Variants in CSMD1 observed in about 807,000 individuals in gnomAD.
CSMD1 encodes CUB and sushi domain-containing protein 1.
Under a neutral mutation model 417.5 loss-of-function variants are expected in CSMD1, and 213 were observed. The ratio of observed to expected loss-of-function variants is 0.51; its 90% CI spans 0.46 to 0.57. CSMD1 has a LOEUF of 0.57. CSMD1 is among the 20% of genes least tolerant of loss of function. The pLI is 0.00. For synonymous variants in CSMD1, 2,862 were observed against 1,736.8 expected, an observed-to-expected ratio of 1.65 and a Z score of -16.11; for missense variants, 6,923 against 4,529.7, an observed-to-expected ratio of 1.53 and a Z score of -15.17.
At chr8:4,191,628 G>T (rs186085108) in intron 3 of CSMD1, among the ~76,000 whole-genome samples, 1 of 150,106 alleles carries the variant, frequency 6.7e-6, no homozygotes, top group African/African-American at 2.5e-5. Flanking sequence ...AAAACTACAA[G>T]ATACATTGAA....
At chr8:3,708,374 A>T in intron 7 of CSMD1, 40 bp downstream of exon 7, 1 of 1,548,696 alleles carries the variant, frequency 6.5e-7, no homozygotes, top group Non-Finnish European at 8.9e-7. Flanking sequence ...TCTGCTTACA[A>T]GGGCGTATCA....
intron 10 of CSMD1, among the ~76,000 whole-genome samples, chr8:3,508,404 G>A (rs963365480): frequency 2.0e-5 from 3 of 151,922 alleles, no homozygotes; most frequent in Non-Finnish European, 2.9e-5. Context: ...TATACCTAAT[G>A]TAAGTGACGA....
chr8:4,261,556 T>A (rs530859458), intron 3 of CSMD1, among the ~76,000 whole-genome samples: 1 of 152,048 alleles, frequency 6.6e-6, no homozygotes, highest in East Asian at 1.9e-4. Flanking sequence ...GAGTAGATCT[T>A]TTTATTTATT....
chr8:3,793,091 T>C (rs188883091), intron 5 of CSMD1, among the ~76,000 whole-genome samples: 23 of 152,290 alleles, frequency 1.5e-4, no homozygotes, highest in Admixed American at 1.5e-3. Context: ...CAATTAACAC[T>C]TCCAAAAGTG....
At chr8:4,634,130 A>G (rs1267044045) in intron 2 of CSMD1, among the ~76,000 whole-genome samples, 3 of 152,080 alleles carry the variant, frequency 2.0e-5, no homozygotes, top group Non-Finnish European at 4.4e-5. Context: ...CTCAATATCC[A>G]CATCATTAAA....
At chr8:4,603,627 A>G (rs1800709953) in intron 2 of CSMD1, among the ~76,000 whole-genome samples, 2 of 152,178 alleles carry the variant, frequency 1.3e-5, no homozygotes, top group African/African-American at 4.8e-5. Flanking sequence ...TAAAATGAAT[A>G]TAATCACCTC....
chr8:4,837,865 C>G (rs1280906907), intron 1 of CSMD1, among the ~76,000 whole-genome samples: 1 of 151,804 alleles, frequency 6.6e-6, no homozygotes, highest in African/African-American at 2.4e-5. Flanking sequence ...TTCATGTACC[C>G]CATAAATATA....
intron 3 of CSMD1, among the ~76,000 whole-genome samples, chr8:4,284,455 C>T (rs1283257476): frequency 1.3e-5 from 2 of 150,434 alleles, no homozygotes. Flanking sequence ...CGTGTTCCCT[C>T]CCCGTCACCA....
intron 5 of CSMD1, among the ~76,000 whole-genome samples, chr8:3,797,349 C>T (rs1274017440): frequency 1.3e-5 from 2 of 151,944 alleles, no homozygotes; most frequent in Non-Finnish European, 2.9e-5. Flanking sequence ...TGTTCACTGT[C>T]ACAAGTAGAG....
chr8:3,105,632 A>G (rs545589815), intron 46 of CSMD1, among the ~76,000 whole-genome samples: 1 of 152,356 alleles, frequency 6.6e-6, no homozygotes, highest in East Asian at 1.9e-4. Context: ...ACTCTTGCAC[A>G]TGGTCTACAT....
intron 1 of CSMD1, among the ~76,000 whole-genome samples, chr8:4,971,641 G>C (rs1029105810): frequency 6.6e-6 from 1 of 151,288 alleles, no homozygotes; most frequent in African/African-American, 2.4e-5. Flanking sequence ...AAAATGTATA[G>C]TCTTATTCTT....
intron 4 of CSMD1, among the ~76,000 whole-genome samples, chr8:4,018,489 G>T (rs986988260): frequency 6.6e-6 from 1 of 152,088 alleles, no homozygotes; most frequent in Non-Finnish European, 1.5e-5. Context: ...GGAGCAGGTG[G>T]AGGAAGGGGA....
In CSMD1 at chr8:4,934,009, A is replaced by T. The variant is rs538620976; in HGVS notation, c.85+60323T>A. Among the ~76,000 whole-genome samples, 172 of 150,582 alleles carry T rather than the reference A, an allele frequency of 1.1e-3. 3 individuals are homozygous for T. Among genetic ancestry groups the T allele is most frequent in the South Asian group, 0.011 (52 of 4,768 alleles). On this transcript the variant is annotated intron_variant, in intron 1 of 69. Coordinates refer to ENST00000635120, the MANE Select transcript of CSMD1 (RefSeq NM_033225.6). ...TACTTACGTTTATGCTTTTTTTTTA[A>T]AAAAAAATGAAGGTTTTGATGATGA...
chr8:4,182,510 T>A (rs1444324537), intron 3 of CSMD1, among the ~76,000 whole-genome samples: 1 of 152,150 alleles, frequency 6.6e-6, no homozygotes, highest in East Asian at 1.9e-4. Context: ...AGCGAAATGT[T>A]GGACGGGCTA....
At chr8:4,178,991 G>A (rs1009412201) in intron 3 of CSMD1, among the ~76,000 whole-genome samples, 6 of 152,116 alleles carry the variant, frequency 3.9e-5, no homozygotes, top group Non-Finnish European at 5.9e-5. Flanking sequence ...TCGTGAAAAT[G>A]GCCATACTGC....
At position 4,025,377 on chromosome 8, in the gene CSMD1, T is replaced by C. The variant is rs59528403; in HGVS notation, c.610+6528A>G. Among the ~76,000 whole-genome samples the C allele has an allele frequency of 9.2e-5, 14 of 152,216 alleles. 1 individual carries two copies. The highest frequency in any genetic ancestry group is 3.4e-4 in the African/African-American group (14 of 41,452). Reference sequence around the variant, plus strand: ...GATCCTCTATTTCCCTGTAGGACCCTAGATCTCAAAGTAATTTATAATCTA... The same window carrying C: ...GATCCTCTATTTCCCTGTAGGACCCCAGATCTCAAAGTAATTTATAATCTA... On this transcript the variant is annotated intron_variant, in intron 4 of 69. Transcript: ENST00000635120.
chr8:3,383,290 A>G (rs1156362307), intron 18 of CSMD1, among the ~76,000 whole-genome samples: 7 of 152,246 alleles, frequency 4.6e-5, no homozygotes, highest in African/African-American at 1.4e-4. Flanking sequence ...ACACCTCAAT[A>G]AAGCTGTTAA....
rs574363588 is a variant in CSMD1 at position 3,900,558 on chromosome 8, G to C, written c.818+97345C>G. On this transcript the variant is annotated intron_variant, in intron 5 of 69. Transcript: ENST00000635120. Reference sequence around the variant, plus strand: ...GACAGTGAAGCTAGGTGACAGTGCAGATGGGTGATACTGTAGCTGGATGAC... The same window carrying C: ...GACAGTGAAGCTAGGTGACAGTGCACATGGGTGATACTGTAGCTGGATGAC... Among the ~76,000 whole-genome samples the C allele has an allele frequency of 2.1e-3, 315 of 152,140 alleles. 1 individual carries two copies. Among genetic ancestry groups the C allele is most frequent in the African/African-American group, 7.3e-3 (301 of 41,492 alleles).
At chr8:3,693,854 T>C (rs1489340981) in intron 7 of CSMD1, among the ~76,000 whole-genome samples, 1 of 151,058 alleles carries the variant, frequency 6.6e-6, no homozygotes, top group East Asian at 2.0e-4. Context: ...TAGGGTATAT[T>C]ATGTGCTGTA....
Sources: allele counts gnomAD v4.1 joint callset (sites outside exome capture counted in the v4.1 genomes callset), GRCh38; gene constraint gnomAD v4.1.1; transcripts MANE v1.5; gene names NCBI Gene and HGNC (gene_info 2026-07-23, HGNC 2026-07-21).